GNB1: variants seen among roughly 807,000 people sequenced by gnomAD.
GNB1 encodes guanine nucleotide-binding protein G(I)/G(S)/G(T) subunit beta-1.
GNB1 carries 2 observed loss-of-function variants against 42.9 expected under a neutral mutation model. That is an observed-to-expected ratio of 0.05 (90% confidence interval 0.02 to 0.15). GNB1 has a LOEUF of 0.15. GNB1 is among the 10% of genes least tolerant of loss of function. The probability of loss-of-function intolerance (pLI) is 1.00; values close to 1 mark genes in which losing one functional copy is unlikely to be tolerated. For synonymous variants in GNB1, 183 were observed against 174.7 expected, an observed-to-expected ratio of 1.05 and a Z score of -0.38; for missense variants, 193 against 462.2, an observed-to-expected ratio of 0.42 and a Z score of 5.34.
intron 5 of GNB1, among the ~76,000 whole-genome samples, chr1:1,807,905 C>T (rs1344112589): frequency 6.6e-6 from 1 of 151,996 alleles, no homozygotes; most frequent in African/African-American, 2.4e-5. Flanking sequence ...GAGACAGGGT[C>T]TCACCATGTT....
chr1:1,841,726 C>T (rs1647249226), intron 1 of GNB1, among the ~76,000 whole-genome samples: 1 of 152,134 alleles, frequency 6.6e-6, no homozygotes, highest in Non-Finnish European at 1.5e-5. Flanking sequence ...AATTATGCTG[C>T]TTATGTACAA....
At chr1:1,854,080 G>A (rs768598162) in intron 1 of GNB1, among the ~76,000 whole-genome samples, 4 of 152,224 alleles carry the variant, frequency 2.6e-5, no homozygotes, top group Non-Finnish European at 5.9e-5. Context: ...AGCACTTGCT[G>A]TTCTAGAACT....
chr1:1,832,976 A>G (rs1647097229), intron 2 of GNB1, among the ~76,000 whole-genome samples: 1 of 152,224 alleles, frequency 6.6e-6, no homozygotes, highest in African/African-American at 2.4e-5. Context: ...TGATTAAACT[A>G]TGACGTGTAC....
chr1:1,802,439 C>T (rs1464564265), intron 7 of GNB1, among the ~76,000 whole-genome samples: 1 of 152,082 alleles, frequency 6.6e-6, no homozygotes, highest in African/African-American at 2.4e-5. Flanking sequence ...TAAGCACTCA[C>T]AAGGATATTA....
At chr1:1,885,551 CTTTTTTTT>C (rs60651257) in intron 1 of GNB1, among the ~76,000 whole-genome samples, 7 of 94,060 alleles carry the variant, frequency 7.4e-5, no homozygotes, top group South Asian at 7.0e-4. Context: ...TCCACTTAAT[CTTTTTTTT>C]TTTTTTTTTT....
chr1:1,856,461 C>A (rs1431507237), intron 1 of GNB1, among the ~76,000 whole-genome samples: 1 of 151,868 alleles, frequency 6.6e-6, no homozygotes, highest in African/African-American at 2.4e-5. Flanking sequence ...CAGAGTCTCG[C>A]TCTGTCGCCA....
At chr1:1,837,805 T>G (rs1224681809) in intron 2 of GNB1, among the ~76,000 whole-genome samples, 1 of 148,624 alleles carries the variant, frequency 6.7e-6, no homozygotes, top group African/African-American at 2.5e-5. Flanking sequence ...CCTGATGATC[T>G]GCCCACCTTG....
chr1:1,842,246 C>T (rs567744583), intron 1 of GNB1, among the ~76,000 whole-genome samples: 18 of 152,260 alleles, frequency 1.2e-4, no homozygotes, highest in Admixed American at 3.9e-4. Context: ...CTGGCTAACA[C>T]GGTGAAACCC....
At chr1:1,827,976 C>T (rs757420891) in intron 2 of GNB1, among the ~76,000 whole-genome samples, 1 of 152,114 alleles carries the variant, frequency 6.6e-6, no homozygotes, top group Non-Finnish European at 1.5e-5. Flanking sequence ...CTAAAAACAA[C>T]AAACTCCTGG....
At chr1:1,887,970 T>G (rs1175627964) in intron 1 of GNB1, among the ~76,000 whole-genome samples, 2 of 152,202 alleles carry the variant, frequency 1.3e-5, no homozygotes, top group Non-Finnish European at 2.9e-5. Context: ...TGCAGTCTCT[T>G]GAATCTTCTA....
At chr1:1,878,357 A>G (rs1444784355) in intron 1 of GNB1, among the ~76,000 whole-genome samples, 1 of 152,194 alleles carries the variant, frequency 6.6e-6, no homozygotes, top group East Asian at 1.9e-4. Context: ...CTCCCAACAC[A>G]CTTTACATAA....
In GNB1 at chr1:1,790,271, G is replaced by C; in HGVS notation, c.699+124C>G. On this transcript the variant is annotated intron_variant, in intron 9 of 11. Coordinates refer to ENST00000378609, the MANE Select transcript of GNB1 (RefSeq NM_002074.5). The surrounding 1 kb of genome is among the most constrained non-coding windows in gnomAD (Gnocchi z 5.4). ...TCGGGAGTTTTCTGTATCCCCATCTGTACATGAGGTTGTATAAGGATCAGA... is the reference window on the plus strand; with the variant it reads ...TCGGGAGTTTTCTGTATCCCCATCTCTACATGAGGTTGTATAAGGATCAGA... The C allele has an allele frequency of 1.5e-6, 1 of 685,200 alleles. No individual in the cohort carries two copies. Among genetic ancestry groups the C allele is most frequent in the Non-Finnish European group, 2.6e-6 (1 of 386,126 alleles). The allele number at this position is 685,200 out of a possible 1,614,324, so 42.4% of individuals were successfully genotyped here. A position where few individuals can be genotyped will look rare whatever the true frequency, so the allele number is the denominator to read the frequency against.
chr1:1,861,952 G>A (rs972813685), intron 1 of GNB1, among the ~76,000 whole-genome samples: 2 of 152,270 alleles, frequency 1.3e-5, no homozygotes, highest in Non-Finnish European at 2.9e-5. Context: ...TGTAATCCCA[G>A]CTACTCGGGA....
intron 7 of GNB1, among the ~76,000 whole-genome samples, chr1:1,794,548 C>T (rs894521587): frequency 2.6e-5 from 4 of 152,060 alleles, no homozygotes; most frequent in Admixed American, 6.5e-5. Context: ...AAGCCTTCCC[C>T]CCAACTACAC....
chr1:1,888,049 A>G (rs1244023220), intron 1 of GNB1, among the ~76,000 whole-genome samples: 1 of 152,266 alleles, frequency 6.6e-6, no homozygotes, highest in African/African-American at 2.4e-5. Context: ...AATTAACTGA[A>G]GATATCAAAG....
chr1:1,826,973 G>C (rs1271510104), intron 2 of GNB1, among the ~76,000 whole-genome samples: 2 of 152,116 alleles, frequency 1.3e-5, no homozygotes, highest in African/African-American at 4.8e-5. Flanking sequence ...CTTACAATTA[G>C]CTCTCACATG....
chr1:1,788,826 C>T (rs1646440731), intron 10 of GNB1: 1 of 511,844 alleles, frequency 2.0e-6, no homozygotes, highest in South Asian at 2.1e-5. Context: ...CACTGACTCT[C>T]CCCAGAGCCC....
chr1:1,860,024 T>A (rs1261917400), intron 1 of GNB1, among the ~76,000 whole-genome samples: 1 of 152,082 alleles, frequency 6.6e-6, no homozygotes, highest in African/African-American at 2.4e-5. Flanking sequence ...ACCTGCACGT[T>A]GTGCACATGT....
chr1:1,848,132 C>A (rs760901238), intron 1 of GNB1, among the ~76,000 whole-genome samples: 57 of 152,198 alleles, frequency 3.7e-4, no homozygotes, highest in Middle Eastern at 3.4e-3. Flanking sequence ...GTACTCCCAG[C>A]ACTTTGGGAG....
Sources: allele counts gnomAD v4.1 joint callset (sites outside exome capture counted in the v4.1 genomes callset), GRCh38; gene constraint gnomAD v4.1.1; non-coding constraint Gnocchi (gnomAD v3.1); transcripts MANE v1.5; gene names NCBI Gene and HGNC (gene_info 2026-07-23, HGNC 2026-07-21).